The following TUFT1 variants were observed in gnomAD, a reference collection of about 807,000 sequenced individuals.
TUFT1 encodes the protein tuftelin.
A neutral mutation model predicts 57.8 loss-of-function variants in TUFT1; 43 were observed. The observed-to-expected ratio is 0.74, with a 90% CI of 0.58 to 0.96. The LOEUF is 0.96. Among genes scored for constraint, TUFT1 ranks in the 40% least tolerant of loss-of-function variants. TUFT1 has a pLI of 0.00. For synonymous variants in TUFT1, 166 were observed against 176.7 expected (o/e 0.94, Z 0.48); for missense variants, 459 against 489.0 (o/e 0.94, Z 0.58).
At chr1:151,541,658 G>C (rs564080583) in intron 1 of TUFT1, among the ~76,000 whole-genome samples, 2 of 152,188 alleles carry the variant, frequency 1.3e-5, no homozygotes, top group South Asian at 4.1e-4. Context: ...TCTTTTCCCA[G>C]TCCCCTCTCC....
intron 12 of TUFT1, 103 bp downstream of exon 12, chr1:151,581,145 AAATCC>A: frequency 9.1e-7 from 1 of 1,094,992 alleles, no homozygotes; most frequent in East Asian, 2.5e-5. Flanking sequence ...AGGCTCCTTT[AAATCC>A]AACTTTCCTC....
At chr1:151,558,516 T>A (rs1175927766) in intron 1 of TUFT1, among the ~76,000 whole-genome samples, 1 of 152,156 alleles carries the variant, frequency 6.6e-6, no homozygotes, top group Non-Finnish European at 1.5e-5. Flanking sequence ...TTGCCAAATT[T>A]TGAAAATTTT....
At chr1:151,561,457 T>A in intron 1 of TUFT1, 1 of 480,130 alleles carries the variant, frequency 2.1e-6, no homozygotes, top group Non-Finnish European at 2.4e-6. Flanking sequence ...GAGGCTGCAG[T>A]CATGCGCGCG....
At chr1:151,567,623 G>A (rs914545301) in intron 6 of TUFT1, among the ~76,000 whole-genome samples, 7 of 152,096 alleles carry the variant, frequency 4.6e-5, no homozygotes, top group Non-Finnish European at 1.0e-4. Context: ...TTGGCTCGCT[G>A]CAACCTCCAC....
At chr1:151,562,738 GTA>G (rs747281594) in intron 3 of TUFT1, 52 bp downstream of exon 3, 1 of 1,479,148 alleles carries the variant, frequency 6.8e-7, no homozygotes, top group East Asian at 2.3e-5. Flanking sequence ...CTCCCTGCAC[GTA>G]TATGAGAAGG....
intron 1 of TUFT1, 152 bp from the exon 2 acceptor site, chr1:151,561,939 T>TG: frequency 6.7e-7 from 1 of 1,494,450 alleles, no homozygotes. Flanking sequence ...AAGGTAATGC[T>TG]GCCTCCCTGG....
At chr1:151,561,316 T>C (rs1287479298) in intron 1 of TUFT1, among the ~76,000 whole-genome samples, 1 of 151,990 alleles carries the variant, frequency 6.6e-6, no homozygotes, top group African/African-American at 2.4e-5. Context: ...AAAATCTTCT[T>C]TGAAGCCCGG....
intron 9 of TUFT1, among the ~76,000 whole-genome samples, chr1:151,576,122 T>C (rs1666455633): frequency 6.6e-6 from 1 of 152,134 alleles, no homozygotes; most frequent in Non-Finnish European, 1.5e-5. Context: ...AAGTAGGGCA[T>C]TGGAGAGCTG....
intron 9 of TUFT1, among the ~76,000 whole-genome samples, chr1:151,575,244 G>A (rs969145011): frequency 1.3e-5 from 2 of 152,176 alleles, no homozygotes; most frequent in African/African-American, 2.4e-5. Context: ...TAAAGAAAAG[G>A]CTTTCACAGT....
chr1:151,543,542 C>T (rs1665233412), intron 1 of TUFT1, among the ~76,000 whole-genome samples: 1 of 151,974 alleles, frequency 6.6e-6, no homozygotes, highest in Admixed American at 6.6e-5. Context: ...AGAATGACTC[C>T]AGCTAAACTA....
At position 151,540,329 on chromosome 1, in the gene TUFT1, GT is replaced by G; in HGVS notation, c.-37del. On this transcript the variant is annotated 5_prime_UTR_variant, in exon 1 of 13. Transcript: ENST00000368849. ...CGCCCAGTTGGAGCCAGACAGCGGGGTGGACAAGTGGCGTGTGTGCTGCGAC... is the reference window on the plus strand; with the variant it reads ...CGCCCAGTTGGAGCCAGACAGCGGGGGGACAAGTGGCGTGTGTGCTGCGAC... 6.2e-7 allele frequency: 1 copy of G among 1,613,766 alleles called. No homozygotes were observed. The highest frequency in any genetic ancestry group is 8.5e-7 in the Non-Finnish European group (1 of 1,179,804).
intron 6 of TUFT1, among the ~76,000 whole-genome samples, chr1:151,568,026 C>T (rs1666137161): frequency 6.6e-6 from 1 of 152,146 alleles, no homozygotes; most frequent in African/African-American, 2.4e-5. Context: ...TCCCCGAATG[C>T]AAATATATAT....
chr1:151,541,296 C>T (rs1207942615), intron 1 of TUFT1, among the ~76,000 whole-genome samples: 1 of 152,196 alleles, frequency 6.6e-6, no homozygotes, highest in Admixed American at 6.5e-5. Flanking sequence ...CTACCCCTCT[C>T]TCCTCTTTCT....
At chr1:151,543,333 G>GTGTA (rs1451105215) in intron 1 of TUFT1, among the ~76,000 whole-genome samples, 2 of 142,300 alleles carry the variant, frequency 1.4e-5, no homozygotes, top group Admixed American at 1.4e-4. Flanking sequence ...ATATATGTGT[G>GTGTA]TGTGTGTGTG....
chr1:151,566,432 T>C (rs1202348418), intron 6 of TUFT1, among the ~76,000 whole-genome samples: 1 of 152,188 alleles, frequency 6.6e-6, no homozygotes, highest in Non-Finnish European at 1.5e-5. Context: ...TATCCACTGT[T>C]AACAGATTGA....
intron 1 of TUFT1, among the ~76,000 whole-genome samples, chr1:151,545,235 A>T (rs1234647965): frequency 1.3e-5 from 2 of 152,008 alleles, no homozygotes; most frequent in Non-Finnish European, 2.9e-5. Context: ...ATATGTACCC[A>T]GGAGGTGGCG....
chr1:151,540,762 T>C, intron 1 of TUFT1: 2 of 248,458 alleles, frequency 8.0e-6, no homozygotes, highest in Non-Finnish European at 1.6e-5. Context: ...GAGAATGAGC[T>C]CAAGCGACTG....
chr1:151,568,753 T>C (rs1021852431), intron 6 of TUFT1, among the ~76,000 whole-genome samples: 1 of 152,262 alleles, frequency 6.6e-6, no homozygotes, highest in African/African-American at 2.4e-5. Context: ...CAACAAATTA[T>C]AATAACACCT....
intron 1 of TUFT1, among the ~76,000 whole-genome samples, chr1:151,543,578 A>G (rs1429066053): frequency 2.0e-5 from 3 of 152,202 alleles, no homozygotes; most frequent in Admixed American, 6.5e-5. Flanking sequence ...TATTAGAAGG[A>G]AATAGAGCAG....
Sources: allele counts gnomAD v4.1 joint callset (sites outside exome capture counted in the v4.1 genomes callset), GRCh38; gene constraint gnomAD v4.1.1; transcripts MANE v1.5; gene names NCBI Gene and HGNC (gene_info 2026-07-23, HGNC 2026-07-21).